The following PLXDC2 variants were observed in gnomAD, a reference collection of about 807,000 sequenced individuals.
The protein encoded by PLXDC2 is plexin domain-containing protein 2.
In PLXDC2, 40 loss-of-function variants were observed where a neutral mutation model predicts 68.9. The ratio of observed to expected loss-of-function variants is 0.58; its 90% CI spans 0.45 to 0.76. PLXDC2 has a LOEUF of 0.76. Ranked by LOEUF, PLXDC2 falls within the 30% of genes least tolerant of loss-of-function variation. The pLI, the probability that PLXDC2 is intolerant of heterozygous loss-of-function variation, is 0.00. For missense variants in PLXDC2, 644 were observed against 661.9 expected (o/e 0.97, Z 0.30); for synonymous variants, 243 against 234.2 (o/e 1.04, Z -0.34).
At chr10:19,947,960 G>A (rs781726876) in intron 1 of PLXDC2, among the ~76,000 whole-genome samples, 4 of 151,666 alleles carry the variant, frequency 2.6e-5, no homozygotes, top group Non-Finnish European at 5.9e-5. Context: ...TGAAATTAAG[G>A]GTCCAATAAG....
intron 4 of PLXDC2, among the ~76,000 whole-genome samples, chr10:20,129,741 T>C (rs1291777652): frequency 6.6e-6 from 1 of 152,110 alleles, no homozygotes; most frequent in Non-Finnish European, 1.5e-5. Flanking sequence ...GGATATCTAG[T>C]TTTCTAACAT....
At chr10:20,255,900 T>C (rs1294917220) in intron 13 of PLXDC2, among the ~76,000 whole-genome samples, 1 of 152,100 alleles carries the variant, frequency 6.6e-6, no homozygotes, top group Non-Finnish European at 1.5e-5. Context: ...TTATAAAAAC[T>C]TCCTTAATAG....
chr10:20,103,694 T>C (rs115633008), intron 4 of PLXDC2, among the ~76,000 whole-genome samples: 1,881 of 149,004 alleles, frequency 0.013, 32 homozygotes, highest in African/African-American at 0.041. Context: ...CATGCTGGAG[T>C]GCGGTGGCAC....
intron 1 of PLXDC2, among the ~76,000 whole-genome samples, chr10:19,819,383 A>C (rs1052549894): frequency 6.6e-6 from 1 of 152,192 alleles, no homozygotes; most frequent in African/African-American, 2.4e-5. Flanking sequence ...AAATATTGTA[A>C]TTAAATGGTT....
chr10:20,059,423 T>G (rs537062116), intron 3 of PLXDC2, among the ~76,000 whole-genome samples: 45 of 152,240 alleles, frequency 3.0e-4, no homozygotes, highest in Non-Finnish European at 6.2e-4. Flanking sequence ...ATTGTTCACT[T>G]ATTCGCAAGT....
chr10:20,071,427 G>T (rs1264678499), intron 4 of PLXDC2, among the ~76,000 whole-genome samples: 1 of 152,168 alleles, frequency 6.6e-6, no homozygotes, highest in East Asian at 1.9e-4. Flanking sequence ...GAGGGACCAC[G>T]TGGGAGGTAA....
chr10:19,852,425 C>CAAAAAAAAAAAAAAAAAAA (rs61430454), intron 1 of PLXDC2, among the ~76,000 whole-genome samples: 2 of 61,926 alleles, frequency 3.2e-5, no homozygotes, highest in African/African-American at 6.7e-5. Context: ...GACCCTGTCT[C>CAAAAAAAAAAAAAAAAAAA]AAAAAAAAAA....
At chr10:19,933,881 A>T (rs567992331) in intron 1 of PLXDC2, among the ~76,000 whole-genome samples, 1 of 149,522 alleles carries the variant, frequency 6.7e-6, no homozygotes, top group Admixed American at 6.8e-5. Flanking sequence ...GGAGGGAGGG[A>T]AAAAAGGAAG....
intron 1 of PLXDC2, among the ~76,000 whole-genome samples, chr10:19,948,883 G>A (rs910270342): frequency 6.6e-6 from 1 of 151,918 alleles, no homozygotes; most frequent in Non-Finnish European, 1.5e-5. Flanking sequence ...GGTGGCTCAC[G>A]TCTGTAATCC....
intron 13 of PLXDC2, among the ~76,000 whole-genome samples, chr10:20,258,458 A>T (rs1835770683): frequency 6.6e-6 from 1 of 152,090 alleles, no homozygotes; most frequent in South Asian, 2.1e-4. Context: ...GTTTTATAGA[A>T]TTTTTAAGTA....
intron 13 of PLXDC2, among the ~76,000 whole-genome samples, chr10:20,272,795 G>A (rs1174108671): frequency 2.0e-5 from 3 of 152,092 alleles, no homozygotes; most frequent in Non-Finnish European, 4.4e-5. Flanking sequence ...GAGTGGGCTC[G>A]CTTACTGTTG....
At chr10:19,991,466 A>G (rs950751175) in intron 1 of PLXDC2, among the ~76,000 whole-genome samples, 2 of 152,070 alleles carry the variant, frequency 1.3e-5, no homozygotes, top group African/African-American at 4.8e-5. Flanking sequence ...TCAAATCAAA[A>G]TATTTCACCC....
At chr10:19,947,988 CTG>C (rs1482619986) in intron 1 of PLXDC2, among the ~76,000 whole-genome samples, 4 of 152,156 alleles carry the variant, frequency 2.6e-5, no homozygotes, top group African/African-American at 9.7e-5. Flanking sequence ...ATGTTTGAGA[CTG>C]TGTTACTCAC....
At chr10:20,182,049 G>A (rs1834611882) in intron 9 of PLXDC2, among the ~76,000 whole-genome samples, 1 of 147,584 alleles carries the variant, frequency 6.8e-6, no homozygotes. Context: ...AATGCAAGGT[G>A]TTTGGGAAGG....
intron 13 of PLXDC2, among the ~76,000 whole-genome samples, chr10:20,270,150 T>C (rs2778964): frequency 0.87 from 132,400 of 151,970 alleles, 58,135 homozygotes; most frequent in Middle Eastern, 0.95. Flanking sequence ...AGAAGACTAT[T>C]GGTAGTCTAT....
intron 1 of PLXDC2, among the ~76,000 whole-genome samples, chr10:19,938,592 A>G (rs964529731): frequency 3.9e-5 from 6 of 152,160 alleles, no homozygotes; most frequent in African/African-American, 1.4e-4. Flanking sequence ...CAGGGAAATC[A>G]GTCCCTGTGA....
chr10:20,220,174 C>T (rs1302282639), intron 12 of PLXDC2, among the ~76,000 whole-genome samples: 1 of 152,058 alleles, frequency 6.6e-6, no homozygotes, highest in African/African-American at 2.4e-5. Context: ...TGTATTAATG[C>T]AGTAAGTGAA....
At chr10:20,232,328 C>A (rs1380391710) in intron 12 of PLXDC2, among the ~76,000 whole-genome samples, 1 of 151,946 alleles carries the variant, frequency 6.6e-6, no homozygotes, top group African/African-American at 2.4e-5. Flanking sequence ...AAAGTTCTGT[C>A]CTTTTAAGCC....
At chr10:20,205,615 C>A (rs1834980770) in intron 9 of PLXDC2, among the ~76,000 whole-genome samples, 1 of 152,020 alleles carries the variant, frequency 6.6e-6, no homozygotes, top group South Asian at 2.1e-4. Flanking sequence ...TAAATCCTGT[C>A]TATGAAGTGA....
Sources: allele counts gnomAD v4.1 joint callset (sites outside exome capture counted in the v4.1 genomes callset), GRCh38; gene constraint gnomAD v4.1.1; transcripts MANE v1.5; gene names NCBI Gene and HGNC (gene_info 2026-07-23, HGNC 2026-07-21).